The following KNTC1 variants were observed in gnomAD, a reference collection of about 807,000 sequenced individuals.
KNTC1 encodes kinetochore-associated protein 1.
A neutral mutation model predicts 314.4 loss-of-function variants in KNTC1; 253 were observed. That is an observed-to-expected ratio of 0.80 (90% CI 0.73 to 0.89). The LOEUF is 0.89. KNTC1 is among the 40% of genes least tolerant of loss of function. The pLI is 0.00. For missense variants in KNTC1, 2,475 were observed against 2,572.9 expected, an observed-to-expected ratio of 0.96 and a Z score of 0.82; for synonymous variants, 901 against 901.4, an observed-to-expected ratio of 1.00 and a Z score of 0.01.
At chr12:122,608,269 TA>T (rs1245604516) in intron 51 of KNTC1, among the ~76,000 whole-genome samples, 1 of 152,046 alleles carries the variant, frequency 6.6e-6, no homozygotes, top group Non-Finnish European at 1.5e-5. Context: ...CAGCTACTTT[TA>T]AAAAATTACC....
chr12:122,613,538 C>T (rs753986276), intron 54 of KNTC1, 88 bp from the exon 55 acceptor site: 31 of 1,253,934 alleles, frequency 2.5e-5, no homozygotes, highest in Non-Finnish European at 3.1e-5. Flanking sequence ...TTAAAACAAA[C>T]TGGCCTAATA....
At chr12:122,547,870 T>C (rs1289692322) in intron 11 of KNTC1, 45 bp from the exon 12 acceptor site, 15 of 1,131,670 alleles carry the variant, frequency 1.3e-5, no homozygotes, top group Non-Finnish European at 1.7e-5. Context: ...GTTTTTGTTG[T>C]GTAAAAGTTT....
chr12:122,527,785 CTG>C (rs979292266), intron 1 of KNTC1: 1 of 152,350 alleles, frequency 6.6e-6, no homozygotes, highest in Non-Finnish European at 1.5e-5. Flanking sequence ...TCTTTGCACT[CTG>C]TTCCCTCTGC....
chr12:122,624,895 C>A, intron 63 of KNTC1: 1 of 533,512 alleles, frequency 1.9e-6, no homozygotes, highest in East Asian at 3.8e-5. Flanking sequence ...CACTGGGCAG[C>A]AAAGCCTAAT....
chr12:122,575,499 T>G (rs192921806), intron 27 of KNTC1, 44 bp from the exon 28 acceptor site: 155 of 1,380,872 alleles, frequency 1.1e-4, no homozygotes, highest in Non-Finnish European at 1.5e-4. Flanking sequence ...GCATGCATCG[T>G]AAACCTGAGG....
chr12:122,608,032 A>G (rs545827740), intron 51 of KNTC1, among the ~76,000 whole-genome samples: 22 of 152,346 alleles, frequency 1.4e-4, no homozygotes, highest in Admixed American at 1.1e-3. Context: ...GGTAGATTCT[A>G]TAATTCCTAT....
chr12:122,576,646 A>C (rs566816238), intron 29 of KNTC1, among the ~76,000 whole-genome samples: 1 of 152,124 alleles, frequency 6.6e-6, no homozygotes, highest in Non-Finnish European at 1.5e-5. Flanking sequence ...GCGCCACTGC[A>C]CTGTAGCCTG....
At chr12:122,576,025 GAT>G (rs1388037332) in intron 29 of KNTC1, 126 bp downstream of exon 29, 1 of 1,169,068 alleles carries the variant, frequency 8.6e-7, no homozygotes, top group African/African-American at 1.6e-5. Flanking sequence ...TCTTTTGTTA[GAT>G]ATGATGTTAA....
At chr12:122,622,071 T>A in intron 61 of KNTC1, 101 bp downstream of exon 61, 2 of 810,692 alleles carry the variant, frequency 2.5e-6, no homozygotes, top group Non-Finnish European at 4.0e-6. Context: ...TATGTCTAGC[T>A]GTTTGTTTAT....
At chr12:122,572,750 G>C (rs1048067977) in intron 24 of KNTC1, among the ~76,000 whole-genome samples, 187 bp from the exon 25 acceptor site, 5 of 152,000 alleles carry the variant, frequency 3.3e-5, no homozygotes, top group Admixed American at 6.6e-5. Context: ...ATATCTTTCA[G>C]ATTCTGATCT....
intron 20 of KNTC1, among the ~76,000 whole-genome samples, chr12:122,564,867 T>G (rs1964205467): frequency 6.6e-6 from 1 of 152,210 alleles, no homozygotes; most frequent in Non-Finnish European, 1.5e-5. Context: ...TAATTTATTC[T>G]GATAAATAGA....
chr12:122,567,421 T>C (rs765092204), intron 20 of KNTC1, among the ~76,000 whole-genome samples: 29 of 152,208 alleles, frequency 1.9e-4, no homozygotes, highest in Non-Finnish European at 3.8e-4. Context: ...TTATTATGCA[T>C]AGTAATATTT....
intron 24 of KNTC1, among the ~76,000 whole-genome samples, chr12:122,572,303 G>A (rs1964738450): frequency 6.6e-6 from 1 of 152,070 alleles, no homozygotes; most frequent in East Asian, 1.9e-4. Flanking sequence ...CCTGCGGCAG[G>A]AGAATCGCTT....
At chr12:122,535,341 T>C (rs1275164165) in intron 3 of KNTC1, among the ~76,000 whole-genome samples, 1 of 151,908 alleles carries the variant, frequency 6.6e-6, no homozygotes, top group African/African-American at 2.4e-5. Context: ...CTGGCCAACA[T>C]GGTGAAACCC....
At chr12:122,575,396 A>C in intron 27 of KNTC1, 147 bp from the exon 28 acceptor site, 2 of 622,976 alleles carry the variant, frequency 3.2e-6, no homozygotes, top group Non-Finnish European at 5.7e-6. Flanking sequence ...TGAAAACTGA[A>C]GAAATAAATG....
At chr12:122,619,517 G>A (rs909993329) in intron 59 of KNTC1, among the ~76,000 whole-genome samples, 19 of 150,672 alleles carry the variant, frequency 1.3e-4, no homozygotes, top group East Asian at 4.0e-4. Flanking sequence ...GGTTCACGCC[G>A]TTCTCCCGCC....
chr12:122,572,400 A>C (rs1285146309), intron 24 of KNTC1, among the ~76,000 whole-genome samples: 1 of 151,394 alleles, frequency 6.6e-6, no homozygotes, highest in Non-Finnish European at 1.5e-5. Context: ...GTCCCCCCCA[A>C]AAAAAAAGAA....
At chr12:122,602,375 C>T in intron 45 of KNTC1, 194 bp from the exon 46 acceptor site, 1 of 456,816 alleles carries the variant, frequency 2.2e-6, no homozygotes, top group South Asian at 4.2e-5. Context: ...TCATAGGATT[C>T]CTTTAATCAT....
rs760220772 is a variant in KNTC1, at chr12:122,573,125, T to C, written c.2140-17T>C. On this transcript the variant is annotated splice_polypyrimidine_tract_variant and intron_variant, in intron 25 of 63. Coordinates refer to ENST00000333479, the MANE Select transcript of KNTC1 (RefSeq NM_014708.6). ...GGGTAGAGTCTGTATTTATTCCATC[T>C]TTCTTTTGGCATCCAGGAAAATACA... 1 of 1,613,810 alleles carries C rather than the reference T, an allele frequency of 6.2e-7. No individual in the cohort carries two copies. The highest frequency in any genetic ancestry group is 8.5e-7 in the Non-Finnish European group (1 of 1,179,824).
Sources: gnomAD v4.1 joint callset for allele counts (sites outside exome capture counted in the v4.1 genomes callset) on GRCh38, gnomAD v4.1.1 for gene constraint, MANE v1.5 for transcripts, NCBI Gene and HGNC (gene_info 2026-07-23, HGNC 2026-07-21) for gene names.